Variants in PTOV1 observed in about 807,000 individuals in gnomAD.
The protein encoded by PTOV1 is prostate tumor-overexpressed gene 1 protein.
PTOV1 carries 20 observed loss-of-function variants against 58.0 expected under a neutral mutation model. The observed-to-expected ratio is 0.34, with a 90% CI of 0.24 to 0.50. The LOEUF is 0.50. Among genes scored for constraint, PTOV1 ranks in the 20% least tolerant of loss-of-function variants. PTOV1 has a pLI of 0.98. For missense variants in PTOV1, 593 were observed against 565.4 expected, an observed-to-expected ratio of 1.05 and a Z score of -0.50; for synonymous variants, 335 against 234.2, an observed-to-expected ratio of 1.43 and a Z score of -3.93.
chr19:49,851,569 C>A (rs1850215011), intron 1 of PTOV1, 70 bp downstream of exon 1: 1 of 1,033,148 alleles, frequency 9.7e-7, no homozygotes, highest in Non-Finnish European at 1.2e-6. Flanking sequence ...CGGGCTCACG[C>A]CTTTGTCCGC....
exon 12 of PTOV1, chr19:49,860,498 A>G: frequency 2.9e-6 from 2 of 695,018 alleles, no homozygotes; most frequent in Non-Finnish European, 4.7e-6. Flanking sequence ...GCCCAGCCTC[A>G]GGGCCATGGG....
At chr19:49,857,751 T>C in exon 7 of PTOV1, 1 of 1,614,156 alleles carries the variant, frequency 6.2e-7, no homozygotes, top group South Asian at 1.1e-5. Context: ...AACAAGTTTC[T>C]GGCATGGAGT....
intron 5 of PTOV1, chr19:49,856,676 GCAGT>G: frequency 2.5e-6 from 1 of 398,910 alleles, no homozygotes; most frequent in South Asian, 3.3e-5. Context: ...ACCCCATCAG[GCAGT>G]CAGGAGGGCT....
intron 10 of PTOV1, 179 bp downstream of exon 10, chr19:49,858,832 G>A: frequency 1.7e-6 from 1 of 586,180 alleles, no homozygotes. Context: ...GGCACTGGAT[G>A]GGGCACTGAC....
At chr19:49,860,181 G>T in exon 11 of PTOV1, 1 of 1,614,130 alleles carries the variant, frequency 6.2e-7, no homozygotes, top group Non-Finnish European at 8.5e-7. Context: ...ACAGCAACGA[G>T]GGGTGAGGTG....
At chr19:49,854,517 T>C in exon 2 of PTOV1, 1 of 1,613,112 alleles carries the variant, frequency 6.2e-7, no homozygotes, top group Non-Finnish European at 8.5e-7. Flanking sequence ...GCTGCTGGCT[T>C]GGAGCGGCGT....
At position 49,855,096 on chromosome 19, in the gene PTOV1, C is replaced by T. The variant is rs866820804; in HGVS notation, c.558+19C>T. 8 of 1,558,614 alleles carry T rather than the reference C, an allele frequency of 5.1e-6. No homozygotes were observed. The African/African-American group carries it at 6.8e-5, about 13-fold the overall frequency. On this transcript the variant is annotated intron_variant, in intron 5 of 11. Coordinates refer to ENST00000391842, the Ensembl canonical transcript of PTOV1. Reference sequence around the variant, plus strand: ...CGGCTTCGTGAGTGGGGCGGGCTCCCTTGTAGCACTGTGGTGACAAGTACA... The same window carrying T: ...CGGCTTCGTGAGTGGGGCGGGCTCCTTTGTAGCACTGTGGTGACAAGTACA...
chr19:49,855,238 CCCT>C, intron 5 of PTOV1, 161 bp downstream of exon 5: 1 of 666,616 alleles, frequency 1.5e-6, no homozygotes, highest in Non-Finnish European at 2.6e-6. Context: ...ACTCCAGGCA[CCCT>C]CCGTAGAGCA....
At chr19:49,857,364 C>G (rs535720320) in intron 6 of PTOV1, 4 of 637,992 alleles carry the variant, frequency 6.3e-6, no homozygotes, top group Non-Finnish European at 1.1e-5. Context: ...GGGAAGCCAG[C>G]GGAGCGGGGA....
intron 1 of PTOV1, among the ~76,000 whole-genome samples, chr19:49,853,645 G>GA (rs2074346130): frequency 1.3e-5 from 2 of 152,154 alleles, no homozygotes; most frequent in African/African-American, 4.8e-5. Context: ...AAATAGTGGG[G>GA]AGAGTGCCTG....
At chr19:49,858,413 TGGA>T in intron 9 of PTOV1, 133 bp from the exon 10 acceptor site, 1 of 734,006 alleles carries the variant, frequency 1.4e-6, no homozygotes, top group South Asian at 1.7e-5. Flanking sequence ...GGTTGAGCGG[TGGA>T]GATGACGTTT....
At chr19:49,857,212 G>T in intron 6 of PTOV1, 82 bp downstream of exon 6, 1 of 1,552,530 alleles carries the variant, frequency 6.4e-7, no homozygotes, top group Non-Finnish European at 8.8e-7. Flanking sequence ...GACTTGGTGT[G>T]GGCGGAGTGT....
chr19:49,854,285 T>G, intron 1 of PTOV1, 121 bp from the exon 2 acceptor site: 1 of 1,344,150 alleles, frequency 7.4e-7, no homozygotes, highest in Non-Finnish European at 1.0e-6. Context: ...CATGGCCCCG[T>G]GGGCTTCCAG....
At chr19:49,852,098 C>T (rs964256475) in intron 1 of PTOV1, 1 of 981,898 alleles carries the variant, frequency 1.0e-6, no homozygotes, top group Non-Finnish European at 1.2e-6. Flanking sequence ...TTCTCCGGAC[C>T]CAAAAGATGC....
intron 6 of PTOV1, 149 bp from the exon 7 acceptor site, chr19:49,857,544 G>T: frequency 1.3e-6 from 1 of 745,496 alleles, no homozygotes. Flanking sequence ...AGCAGATGAG[G>T]GGCAGGGCCT....
chr19:49,854,836 C>G, exon 4 of PTOV1: 8 of 1,613,352 alleles, frequency 5.0e-6, no homozygotes, highest in Non-Finnish European at 6.8e-6. Context: ...CATAGGGAGA[C>G]CGACCAGTGG....
At chr19:49,858,653 C>A in exon 10 of PTOV1, 1 of 1,592,238 alleles carries the variant, frequency 6.3e-7, no homozygotes, top group Non-Finnish European at 8.6e-7. Context: ...ACAATGGCTT[C>A]GTGAGTGGTG....
chr19:49,852,058 A>G, intron 1 of PTOV1: 1 of 985,440 alleles, frequency 1.0e-6, no homozygotes, highest in Non-Finnish European at 1.2e-6. Flanking sequence ...GTAAACATTC[A>G]GCTTCGCAGG....
rs183611086 is a variant in PTOV1 at position 49,858,035 on chromosome 19, C to T, written c.879-22C>T. 63 of 1,613,884 alleles carry T rather than the reference C, an allele frequency of 3.9e-5. No individual in the cohort carries two copies. In the East Asian group the frequency reaches 1.0e-3, roughly 27 times the overall value. Reference sequence around the variant, plus strand: ...CCAGGGGAGCTGGGGCTTCCTGACCCTCGTCCCTTTGTGCCCCACAGGAGG... The same window carrying T: ...CCAGGGGAGCTGGGGCTTCCTGACCTTCGTCCCTTTGTGCCCCACAGGAGG... On this transcript the variant is annotated intron_variant, in intron 8 of 11. Transcript: ENST00000391842.
Sources: gnomAD v4.1 joint callset for allele counts (sites outside exome capture counted in the v4.1 genomes callset) on GRCh38, gnomAD v4.1.1 for gene constraint, MANE v1.5 for transcripts, NCBI Gene and HGNC (gene_info 2026-07-23, HGNC 2026-07-21) for gene names.